The following FBXW10B variants were observed in gnomAD, a reference collection of about 807,000 sequenced individuals.
The protein encoded by FBXW10B is F-box and WD repeat domain containing protein 10B.
the FBXW10B span, among the ~76,000 whole-genome samples, chr17:15,604,356 TAAAG>T: frequency 1.3e-5 from 2 of 151,964 alleles, no homozygotes; most frequent in African/African-American, 2.4e-5. Flanking sequence ...GCAAAAATGA[TAAAG>T]AAATGCAAGG....
chr17:15,594,816 A>G, the FBXW10B span: 1 of 1,614,014 alleles, frequency 6.2e-7, no homozygotes, highest in Non-Finnish European at 8.5e-7. Flanking sequence ...TGACCAGGCC[A>G]TCAGTGCTTC....
At chr17:15,601,045 A>G in the FBXW10B span, among the ~76,000 whole-genome samples, 1 of 137,888 alleles carries the variant, frequency 7.3e-6, no homozygotes, top group Non-Finnish European at 1.5e-5. Flanking sequence ...GCGAGACTCC[A>G]TCTCAAAAAA....
At chr17:15,610,549 C>T in the FBXW10B span, among the ~76,000 whole-genome samples, 1 of 152,174 alleles carries the variant, frequency 6.6e-6, no homozygotes, top group South Asian at 2.1e-4. Flanking sequence ...TTGGTAGTTA[C>T]CCAAGAGACT....
the FBXW10B span, among the ~76,000 whole-genome samples, chr17:15,601,813 C>T: frequency 6.6e-6 from 1 of 151,996 alleles, no homozygotes; most frequent in African/African-American, 2.4e-5. Flanking sequence ...ATAGCTGTTA[C>T]ATAAAAAAGA....
the FBXW10B span, among the ~76,000 whole-genome samples, chr17:15,571,141 T>C: frequency 6.6e-6 from 1 of 151,696 alleles, no homozygotes; most frequent in Admixed American, 6.6e-5. Context: ...AGCCCAGGAG[T>C]TTGAGACCAG....
chr17:15,580,917 A>ATTC, the FBXW10B span, among the ~76,000 whole-genome samples: 375 of 152,230 alleles, frequency 2.5e-3, no homozygotes, highest in Non-Finnish European at 4.6e-3. Context: ...ATTGTATTTA[A>ATTC]TTCTTAAGAC....
chr17:15,604,725 G>A, the FBXW10B span, among the ~76,000 whole-genome samples: 31,601 of 151,876 alleles, frequency 0.21, 3,552 homozygotes, highest in East Asian at 0.37. Flanking sequence ...GTTTAGTAGA[G>A]ACGGGGTTTC....
At chr17:15,617,816 C>A in the FBXW10B span, among the ~76,000 whole-genome samples, 1 of 152,158 alleles carries the variant, frequency 6.6e-6, no homozygotes, top group Non-Finnish European at 1.5e-5. Context: ...GAACTGTGAG[C>A]CAAATAAAAC....
At chr17:15,592,295 G>GTTTTTTTTTTT in the FBXW10B span, among the ~76,000 whole-genome samples, 1 of 107,698 alleles carries the variant, frequency 9.3e-6, no homozygotes, top group Non-Finnish European at 1.9e-5. Context: ...AATGGCCAGA[G>GTTTTTTTTTTT]TTTTTTTTTT....
At chr17:15,579,241 T>C in the FBXW10B span, among the ~76,000 whole-genome samples, 1 of 152,156 alleles carries the variant, frequency 6.6e-6, no homozygotes, top group African/African-American at 2.4e-5. Flanking sequence ...TATATTTTCT[T>C]CTTACATTCT....
chr17:15,579,306 G>C, the FBXW10B span, among the ~76,000 whole-genome samples: 25 of 152,024 alleles, frequency 1.6e-4, no homozygotes, highest in South Asian at 2.9e-3. Flanking sequence ...AATAGGTTTT[G>C]TTTTCCCATT....
At chr17:15,591,908 CTAACTTCTCTG>C in the FBXW10B span, among the ~76,000 whole-genome samples, 3 of 152,124 alleles carry the variant, frequency 2.0e-5, no homozygotes, top group Non-Finnish European at 2.9e-5. Flanking sequence ...GAGATGATTT[CTAACTTCTCTG>C]ATCCCCACTT....
At chr17:15,581,915 T>TC in the FBXW10B span, among the ~76,000 whole-genome samples, 1 of 151,022 alleles carries the variant, frequency 6.6e-6, no homozygotes, top group Non-Finnish European at 1.5e-5. Flanking sequence ...TAGCCTTTCT[T>TC]CTCCTCATCT....
the FBXW10B span, among the ~76,000 whole-genome samples, chr17:15,607,172 ATGG>A: frequency 6.6e-6 from 1 of 150,542 alleles, no homozygotes; most frequent in Non-Finnish European, 1.5e-5. Flanking sequence ...ATCAATATTA[ATGG>A]TGGTTATTGC....
At chr17:15,607,458 A>T in the FBXW10B span, 1 of 768,266 alleles carries the variant, frequency 1.3e-6, no homozygotes, top group Non-Finnish European at 2.1e-6. Flanking sequence ...TTAGGGCTGG[A>T]GCTTGAGGTG....
At chr17:15,592,109 A>C in the FBXW10B span, among the ~76,000 whole-genome samples, 3 of 152,182 alleles carry the variant, frequency 2.0e-5, no homozygotes, top group Non-Finnish European at 4.4e-5. Context: ...TTCTGCTTCA[A>C]AAGGCTGCAA....
the FBXW10B span, chr17:15,565,545 A>C: frequency 5.0e-6 from 8 of 1,613,340 alleles, no homozygotes; most frequent in South Asian, 1.1e-5. Flanking sequence ...AGATAAATAC[A>C]TTTTGTCCAA....
At chr17:15,581,088 G>A in the FBXW10B span, among the ~76,000 whole-genome samples, 3 of 152,018 alleles carry the variant, frequency 2.0e-5, no homozygotes, top group African/African-American at 7.3e-5. Context: ...TTTCAGTCTT[G>A]CCATTGAAAG....
At chr17:15,618,368 G>C in the FBXW10B span, among the ~76,000 whole-genome samples, 1 of 151,928 alleles carries the variant, frequency 6.6e-6, no homozygotes, top group Non-Finnish European at 1.5e-5. Flanking sequence ...GCCCACCTCA[G>C]ACCTGCTGAG....
Sources: gnomAD v4.1 joint callset for allele counts (sites outside exome capture counted in the v4.1 genomes callset) on GRCh38, gnomAD v4.1.1 for gene constraint, MANE v1.5 for transcripts, NCBI Gene and HGNC (gene_info 2026-07-23, HGNC 2026-07-21) for gene names.